The following FOXP2 variants were observed in gnomAD, a reference collection of about 807,000 sequenced individuals.
The protein encoded by FOXP2 is forkhead box P2.
In FOXP2, 12 loss-of-function variants were observed where a neutral mutation model predicts 115.8. That is an observed-to-expected ratio of 0.10 (90% CI 0.07 to 0.17). The LOEUF is 0.17. Ranked by LOEUF, FOXP2 falls within the 10% of genes least tolerant of loss-of-function variation. FOXP2 has a pLI of 1.00. For synonymous variants in FOXP2, 328 were observed against 297.7 expected (o/e 1.10, Z -1.05); for missense variants, 629 against 843.5 (o/e 0.75, Z 3.15).
chr7:114,368,342 C>A (rs914864647), intron 2 of FOXP2, among the ~76,000 whole-genome samples: 8 of 151,898 alleles, frequency 5.3e-5, no homozygotes, highest in African/African-American at 1.7e-4. Flanking sequence ...TTTAAAAAAA[C>A]CAAACAGAAC....
chr7:114,336,241 G>A (rs193181243), intron 2 of FOXP2, among the ~76,000 whole-genome samples: 113 of 151,168 alleles, frequency 7.5e-4, no homozygotes, highest in African/African-American at 2.4e-3. Context: ...AACTTGTCTC[G>A]GGGGGAAAAC....
chr7:114,190,744 T>G (rs1171834288), intron 1 of FOXP2, among the ~76,000 whole-genome samples: 1 of 152,108 alleles, frequency 6.6e-6, no homozygotes, highest in Admixed American at 6.6e-5. Flanking sequence ...ACTCTCTCTT[T>G]CTTCTTTAAT....
intron 2 of FOXP2, among the ~76,000 whole-genome samples, chr7:114,401,334 A>G (rs1385475825): frequency 6.6e-6 from 1 of 152,232 alleles, no homozygotes; most frequent in East Asian, 1.9e-4. Flanking sequence ...ATCCTTCCAG[A>G]AAGTTTGCAC....
At chr7:114,184,456 G>T (rs770784882) in intron 1 of FOXP2, among the ~76,000 whole-genome samples, 5 of 152,046 alleles carry the variant, frequency 3.3e-5, no homozygotes, top group Admixed American at 6.6e-5. Flanking sequence ...TAGGACATTG[G>T]GGGCAATTAT....
At chr7:114,351,290 C>T (rs997014294) in intron 2 of FOXP2, among the ~76,000 whole-genome samples, 49 of 152,210 alleles carry the variant, frequency 3.2e-4, no homozygotes, top group African/African-American at 1.1e-3. Context: ...TTTCAAGATA[C>T]ATATAGAATG....
intron 2 of FOXP2, among the ~76,000 whole-genome samples, chr7:114,467,851 T>G (rs927811756): frequency 6.6e-6 from 1 of 152,182 alleles, no homozygotes; most frequent in Non-Finnish European, 1.5e-5. Flanking sequence ...TGGAAGGCCC[T>G]TCTGGGATCT....
rs148017194 is a variant in FOXP2, at chr7:114,133,766, A to G, written c.-246-29178A>G. Reference sequence around the variant, plus strand: ...ACTGTATTATTTCTTGAGGAAATGGATTATTTCTTTCAAGAGTTAGTTATA... The same window carrying G: ...ACTGTATTATTTCTTGAGGAAATGGGTTATTTCTTTCAAGAGTTAGTTATA... On this transcript the variant is annotated intron_variant, in intron 1 of 19. Transcript: ENST00000635638. 3.1e-3 allele frequency among the ~76,000 whole-genome samples: 470 copies of G among 152,224 alleles called. 6 individuals are homozygous for G. Among genetic ancestry groups the G allele is most frequent in the Non-Finnish European group, 4.5e-3 (306 of 68,022 alleles).
chr7:114,449,658 T>C lies in FOXP2; in HGVS notation c.168+22979T>C, dbSNP rs529585214. On this transcript the variant is annotated intron_variant, in intron 2 of 16. Coordinates refer to ENST00000350908, the MANE Select transcript of FOXP2 (RefSeq NM_014491.4). Reference sequence around the variant, plus strand: ...CACCAGTATTCCAGCATAGAATGCATAGTTTTAGTCCCTACTTTGCCAATG... The same window carrying C: ...CACCAGTATTCCAGCATAGAATGCACAGTTTTAGTCCCTACTTTGCCAATG... Among the ~76,000 whole-genome samples the C allele has an allele frequency of 1.6e-4, 24 of 152,196 alleles. No individual in the cohort carries two copies. The South Asian group carries it at 4.6e-3, about 29-fold the overall frequency.
intron 1 of FOXP2, among the ~76,000 whole-genome samples, chr7:114,157,660 G>C (rs1487023920): frequency 6.6e-6 from 1 of 152,072 alleles, no homozygotes; most frequent in East Asian, 1.9e-4. Flanking sequence ...AGAGGCACCA[G>C]GGAAATAGTT....
At chr7:114,358,798 T>C (rs1467898667) in intron 2 of FOXP2, among the ~76,000 whole-genome samples, 2 of 152,178 alleles carry the variant, frequency 1.3e-5, no homozygotes, top group African/African-American at 4.8e-5. Flanking sequence ...TGGAGGTTCT[T>C]AACAGCATTC....
rs151067025 is a variant in FOXP2 at position 114,259,968 on chromosome 7, C to A, written c.-101-28051C>A. Among the ~76,000 whole-genome samples the A allele has an allele frequency of 4.0e-3, 611 of 152,234 alleles. 4 individuals are homozygous for A. The highest frequency in any genetic ancestry group is 0.014 in the African/African-American group (583 of 41,528). ...GCAGTGGTGCCATCTCAGCTCACTG[C>A]AACCTCCATCTCCCAGGTTCAAGCG... On this transcript the variant is annotated intron_variant, in intron 1 of 17. Coordinates refer to the FOXP2 transcript ENST00000634411.
chr7:114,105,334 G>A (rs1485194485), intron 1 of FOXP2, among the ~76,000 whole-genome samples: 5 of 151,976 alleles, frequency 3.3e-5, no homozygotes, highest in Non-Finnish European at 7.4e-5. Context: ...GTCTTTTTCA[G>A]TCAAACATAT....
chr7:114,200,478 A>G (rs17508669), intron 1 of FOXP2, among the ~76,000 whole-genome samples: 2,726 of 152,338 alleles, frequency 0.018, 39 homozygotes, highest in Non-Finnish European at 0.027. Context: ...ACACTGAAAG[A>G]AGAAGGCATT....
intron 1 of FOXP2, among the ~76,000 whole-genome samples, chr7:114,165,889 G>A (rs541473152): frequency 6.6e-6 from 1 of 152,246 alleles, no homozygotes; most frequent in African/African-American, 2.4e-5. Flanking sequence ...AAGTAATCAA[G>A]ATAATATGGT....
intron 2 of FOXP2, among the ~76,000 whole-genome samples, chr7:114,345,712 A>G (rs1465256764): frequency 1.3e-5 from 2 of 151,736 alleles, no homozygotes; most frequent in Non-Finnish European, 3.0e-5. Context: ...AAATGAGTAC[A>G]GTACACCAGC....
chr7:114,628,113 A>G (rs376593280), intron 3 of FOXP2, among the ~76,000 whole-genome samples: 2 of 152,096 alleles, frequency 1.3e-5, no homozygotes, highest in Non-Finnish European at 2.9e-5. Context: ...TAACATTTAT[A>G]TGCATATTTC....
chr7:114,379,215 C>T (rs930007427), intron 2 of FOXP2, among the ~76,000 whole-genome samples: 1 of 152,188 alleles, frequency 6.6e-6, no homozygotes, highest in African/African-American at 2.4e-5. Context: ...CTTGTCCCTC[C>T]CACTGTGCTC....
At chr7:114,134,890 G>C (rs996606497) in intron 1 of FOXP2, among the ~76,000 whole-genome samples, 3 of 152,068 alleles carry the variant, frequency 2.0e-5, no homozygotes, top group African/African-American at 7.2e-5. Flanking sequence ...AAATAAAATG[G>C]TGTCATTTAA....
rs1797481291 is a variant in FOXP2, at chr7:114,323,564, C to T, written c.-11+35455C>T. Among the ~76,000 whole-genome samples, 3 of 151,766 alleles carry T rather than the reference C, an allele frequency of 2.0e-5. No homozygotes were observed. In the South Asian group the frequency reaches 6.2e-4, roughly 32 times the overall value. ...TAAGTCAGAGTTACAATGATTTATC[C>T]CCCAAAAAATACGATATTGGAAAAG... On this transcript the variant is annotated intron_variant, in intron 2 of 17. Transcript: ENST00000634411.
Sources: allele counts gnomAD v4.1 joint callset (sites outside exome capture counted in the v4.1 genomes callset), GRCh38; gene constraint gnomAD v4.1.1; transcripts MANE v1.5; gene names NCBI Gene and HGNC (gene_info 2026-07-23, HGNC 2026-07-21).